UBE3C: variants seen among roughly 807,000 people sequenced by gnomAD.
UBE3C encodes the protein ubiquitin-protein ligase E3C.
A neutral mutation model predicts 129.4 loss-of-function variants in UBE3C; 42 were observed. The ratio of observed to expected loss-of-function variants is 0.32; its 90% confidence interval spans 0.25 to 0.42. The LOEUF (loss-of-function observed/expected upper bound fraction) is 0.42, where lower values mean the gene tolerates loss of function less well. Among genes scored for constraint, UBE3C ranks in the 10% least tolerant of loss-of-function variants. The probability of loss-of-function intolerance (pLI) is 1.00; values close to 1 mark genes in which losing one functional copy is unlikely to be tolerated. For missense variants in UBE3C, 1,049 were observed against 1,319.1 expected, an observed-to-expected ratio of 0.80 and a Z score of 3.17; for synonymous variants, 510 against 492.4, an observed-to-expected ratio of 1.04 and a Z score of -0.47.
intron 1 of UBE3C, among the ~76,000 whole-genome samples, chr7:157,140,303 G>A (rs1807406909): frequency 6.6e-6 from 1 of 152,204 alleles, no homozygotes; most frequent in African/African-American, 2.4e-5. Flanking sequence ...GGCCAAGGAG[G>A]AACTGCTGTT....
intron 6 of UBE3C, 125 bp from the exon 7 acceptor site, chr7:157,181,393 G>A: frequency 1.3e-6 from 1 of 791,826 alleles, no homozygotes. Context: ...TTCCTTGCTA[G>A]CATGTTAAAG....
intron 13 of UBE3C, among the ~76,000 whole-genome samples, chr7:157,211,183 A>AGAGAGAGAGAGAGAGT (rs1809584066): frequency 6.6e-6 from 1 of 151,842 alleles, no homozygotes; most frequent in African/African-American, 2.4e-5. Flanking sequence ...AGAGAGAGAG[A>AGAGAGAGAGAGAGAGT]GAGAGAGAGA....
Position 157,139,206 on chromosome 7 carries a change from G to T in UBE3C, c.-67G>T. The T allele has an allele frequency of 1.6e-6, 2 of 1,248,414 alleles. No individual in the cohort carries two copies. Among genetic ancestry groups the T allele is most frequent in the East Asian group, 3.9e-5 (1 of 25,790 alleles). 77.3% of individuals were successfully genotyped at this position (1,248,414 alleles called of 1,614,324 possible). On this transcript the variant is annotated 5_prime_UTR_variant, in exon 1 of 23. Transcript: ENST00000348165. Reference sequence around the variant, plus strand: ...GCGGGCGCCGAGAGCCTCCCAGCCCGCCCCGTGCCCCGCCCGCCCGGCTGC... The same window carrying T: ...GCGGGCGCCGAGAGCCTCCCAGCCCTCCCCGTGCCCCGCCCGCCCGGCTGC...
intron 5 of UBE3C, among the ~76,000 whole-genome samples, chr7:157,175,696 G>C (rs990334410): frequency 6.6e-6 from 1 of 152,068 alleles, no homozygotes; most frequent in Non-Finnish European, 1.5e-5. Context: ...TTTATTAACT[G>C]ATTTTTCCAA....
chr7:157,265,977 A>G (rs757282605), intron 22 of UBE3C, among the ~76,000 whole-genome samples: 19 of 152,192 alleles, frequency 1.2e-4, no homozygotes, highest in African/African-American at 2.4e-4. Context: ...CATTTGGTCT[A>G]TAGATGTTCT....
At chr7:157,198,727 G>A (rs1039716756) in intron 10 of UBE3C, among the ~76,000 whole-genome samples, 1 of 152,104 alleles carries the variant, frequency 6.6e-6, no homozygotes, top group Non-Finnish European at 1.5e-5. Flanking sequence ...TAGAGACGGG[G>A]TTTCACCATG....
rs1797152216 is a variant in UBE3C at position 157,268,946 on chromosome 7, C to T, written c.*1191C>T. The T allele has an allele frequency of 1.3e-5, 2 of 152,610 alleles. No homozygotes were observed. The highest frequency in any genetic ancestry group is 1.9e-4 in the East Asian group (1 of 5,202). The allele number at this position is 152,610 out of a possible 1,614,324, so 9.5% of individuals were successfully genotyped here. ...AAATCCTCATTTATCTCTTCTATGT[C>T]TCGTATTTTACTGTCACTGGAGGCT... is the stretch of plus-strand genomic sequence containing the variant. On this transcript the variant is annotated 3_prime_UTR_variant, in exon 23 of 23. Transcript: ENST00000348165.
At chr7:157,224,428 T>A (rs1795818906) in intron 16 of UBE3C, among the ~76,000 whole-genome samples, 1 of 152,082 alleles carries the variant, frequency 6.6e-6, no homozygotes, top group Non-Finnish European at 1.5e-5. Context: ...TCTCCTGACC[T>A]CGTGATCTGC....
At chr7:157,247,689 C>T (rs1796514656) in intron 18 of UBE3C, among the ~76,000 whole-genome samples, 2 of 150,758 alleles carry the variant, frequency 1.3e-5, no homozygotes, top group Non-Finnish European at 3.0e-5. Flanking sequence ...AAGACTCCGT[C>T]TCCAAAAAAA....
At chr7:157,158,535 G>A (rs1457587531) in intron 1 of UBE3C, among the ~76,000 whole-genome samples, 2 of 152,232 alleles carry the variant, frequency 1.3e-5, no homozygotes, top group African/African-American at 2.4e-5. Flanking sequence ...GTGATTAAAA[G>A]TGATGATTAG....
chr7:157,189,010 C>A, intron 10 of UBE3C: 2 of 564,024 alleles, frequency 3.5e-6, no homozygotes, highest in Non-Finnish European at 6.5e-6. Flanking sequence ...GAGACAGATG[C>A]GTACATGAAA....
chr7:157,193,920 C>T (rs372488996), intron 10 of UBE3C, among the ~76,000 whole-genome samples: 25 of 152,242 alleles, frequency 1.6e-4, no homozygotes, highest in African/African-American at 5.8e-4. Context: ...TCTCTCCTAA[C>T]GTAAATCTCT....
At chr7:157,147,880 A>G (rs7798816) in intron 1 of UBE3C, among the ~76,000 whole-genome samples, 72,282 of 151,992 alleles carry the variant, frequency 0.48, 19,803 homozygotes, top group African/African-American at 0.77. Context: ...GCGTATCTGG[A>G]ATAAATCCCA....
intron 17 of UBE3C, among the ~76,000 whole-genome samples, chr7:157,225,820 G>A (rs190246743): frequency 3.9e-5 from 6 of 152,188 alleles, no homozygotes; most frequent in South Asian, 2.1e-4. Context: ...ATGTGTTAGC[G>A]TGCCCCTGTT....
intron 13 of UBE3C, among the ~76,000 whole-genome samples, chr7:157,215,930 G>C (rs1264821009): frequency 6.6e-6 from 1 of 152,176 alleles, no homozygotes; most frequent in Non-Finnish European, 1.5e-5. Flanking sequence ...TAGGTTCCAA[G>C]GTGGCTAGTT....
At chr7:157,211,169 A>G (rs935470093) in intron 13 of UBE3C, among the ~76,000 whole-genome samples, 3 of 149,238 alleles carry the variant, frequency 2.0e-5, no homozygotes, top group Non-Finnish European at 4.5e-5. Flanking sequence ...ATATGTCTGG[A>G]GAGAGAGAGA....
chr7:157,192,335 C>T (rs953801100), intron 10 of UBE3C: 19 of 560,214 alleles, frequency 3.4e-5, no homozygotes, highest in Middle Eastern at 5.1e-4. Context: ...GCTTCCTTTT[C>T]GATCCGCCAT....
rs181406905 is a variant in UBE3C, at chr7:157,254,335, T to C, written c.2950+25T>C. 2.3e-3 allele frequency: 3,231 copies of C among 1,391,208 alleles called. 8 individuals carry two copies. Among genetic ancestry groups the C allele is most frequent in the Non-Finnish European group, 2.7e-3 (2,857 of 1,057,496 alleles). The allele number at this position is 1,391,208 out of a possible 1,614,324, so 86.2% of individuals were successfully genotyped here. ...GGTATGTTATCACTGCTAGTTATTGTTTCTGAAAATGTTGCAGGTGGTCAT... is the reference window on the plus strand; with the variant it reads ...GGTATGTTATCACTGCTAGTTATTGCTTCTGAAAATGTTGCAGGTGGTCAT... On this transcript the variant is annotated intron_variant, in intron 21 of 22. Coordinates refer to ENST00000348165, the MANE Select transcript of UBE3C (RefSeq NM_014671.3).
In UBE3C at chr7:157,248,484, G is replaced by T. The variant is rs765373612; in HGVS notation, c.2598G>T (p.Val866=). 2.5e-6 allele frequency: 4 copies of T among 1,613,574 alleles called. No homozygotes were observed. The highest frequency in any genetic ancestry group is 3.4e-6 in the Non-Finnish European group (4 of 1,180,032). Residue 866 remains valine, a synonymous_variant, in exon 19 of 23, where the codon GTG becomes GTT. Coordinates refer to ENST00000348165, the MANE Select transcript of UBE3C (RefSeq NM_014671.3). ...ACCTCGCCTCCCTAGACCCTGAGGT[G>T]TATAAGAATTTGCTCTTTCTGAAGA... ...IHHLASLDPE[V]YKNLLFLKSY... is the part of the protein sequence containing the mutation.
Sources: allele counts gnomAD v4.1 joint callset (sites outside exome capture counted in the v4.1 genomes callset), GRCh38; gene constraint gnomAD v4.1.1; transcripts MANE v1.5; gene names NCBI Gene and HGNC (gene_info 2026-07-23, HGNC 2026-07-21).